The following ENTHD1 variants were observed in gnomAD, a reference collection of about 807,000 sequenced individuals.
ENTHD1 encodes ENTH domain-containing protein 1.
ENTHD1 carries 23 observed loss-of-function variants against 39.1 expected under a neutral mutation model. The ratio of observed to expected loss-of-function variants is 0.59; its 90% CI spans 0.42 to 0.83. The LOEUF (loss-of-function observed/expected upper bound fraction) is 0.83, where lower values mean the gene tolerates loss of function less well. Ranked by LOEUF, ENTHD1 falls within the 40% of genes least tolerant of loss-of-function variation. ENTHD1 has a pLI of 0.00. For synonymous variants in ENTHD1, 230 were observed against 258.2 expected (o/e 0.89, Z 1.05); for missense variants, 624 against 705.4 (o/e 0.88, Z 1.31).
chr22:39,804,419 C>T (rs895006091), intron 5 of ENTHD1, among the ~76,000 whole-genome samples: 2 of 145,042 alleles, frequency 1.4e-5, no homozygotes, highest in African/African-American at 5.1e-5. Flanking sequence ...CTAGGAGTTA[C>T]TGCACTCAGC....
In ENTHD1 at chr22:39,805,073, C is replaced by A. The variant is rs75888781; in HGVS notation, c.832+15920G>T. Among the ~76,000 whole-genome samples, 273 of 152,338 alleles carry A rather than the reference C, an allele frequency of 1.8e-3. 1 individual carries two copies. The East Asian group carries it at 0.043, about 24-fold the overall frequency. On this transcript the variant is annotated intron_variant, in intron 5 of 6. Transcript: ENST00000325157. Reference sequence around the variant, plus strand: ...CTGGGGAGACCAGGGAGGGGCTGGTCATCCATCTATCCAACAAGTATTTCT... The same window carrying A: ...CTGGGGAGACCAGGGAGGGGCTGGTAATCCATCTATCCAACAAGTATTTCT...
At chr22:39,836,019 A>T (rs1351504718) in intron 3 of ENTHD1, 61 bp from the exon 4 acceptor site, 12 of 1,267,130 alleles carry the variant, frequency 9.5e-6, no homozygotes, top group Admixed American at 6.2e-5. Flanking sequence ...TTTTTATATT[A>T]GTTCCCAATT....
chr22:39,820,852 A>C, intron 5 of ENTHD1, 141 bp downstream of exon 5: 1 of 764,438 alleles, frequency 1.3e-6, no homozygotes, highest in South Asian at 3.8e-5. Context: ...TGGTAAAACA[A>C]GATTATAGGA....
intron 4 of ENTHD1, 152 bp downstream of exon 4, chr22:39,835,688 C>T (rs2065903078): frequency 4.4e-6 from 2 of 453,982 alleles, no homozygotes; most frequent in African/African-American, 4.0e-5. Context: ...GCTAGGGCCT[C>T]CAGAAAGAAC....
intron 2 of ENTHD1, among the ~76,000 whole-genome samples, chr22:39,869,983 C>CTTTA (rs137943): frequency 0.64 from 89,998 of 140,408 alleles, 29,652 homozygotes; most frequent in East Asian, 0.78. Context: ...GAGAACAGTA[C>CTTTA]TTTATTTATT....
chr22:39,815,386 T>G (rs2065725386), intron 5 of ENTHD1, among the ~76,000 whole-genome samples: 1 of 151,102 alleles, frequency 6.6e-6, no homozygotes, highest in African/African-American at 2.4e-5. Flanking sequence ...GAGGTTGCAG[T>G]GAGCCAAGAT....
intron 2 of ENTHD1, 99 bp from the exon 3 acceptor site, chr22:39,862,106 C>A (rs2066146855): frequency 2.0e-6 from 2 of 998,900 alleles, no homozygotes; most frequent in Non-Finnish European, 2.7e-6. Context: ...AAAATCTCAG[C>A]AGTGAAAAAA....
intron 5 of ENTHD1, among the ~76,000 whole-genome samples, chr22:39,802,582 T>A (rs982777479): frequency 6.6e-6 from 1 of 152,168 alleles, no homozygotes; most frequent in Non-Finnish European, 1.5e-5. Context: ...AAGGTTCAAG[T>A]AGTATTTCTA....
intron 3 of ENTHD1, among the ~76,000 whole-genome samples, chr22:39,836,308 C>T (rs2146677881): frequency 6.6e-6 from 1 of 152,160 alleles, no homozygotes; most frequent in Admixed American, 6.5e-5. Flanking sequence ...ATATTAAAAT[C>T]TTTGGTCAGA....
At chr22:39,758,772 G>A (rs905599501) in intron 6 of ENTHD1, among the ~76,000 whole-genome samples, 30 of 152,208 alleles carry the variant, frequency 2.0e-4, no homozygotes, top group Non-Finnish European at 3.8e-4. Context: ...CAGCTTGAGC[G>A]AAGTTCCCTC....
At chr22:39,872,778 G>A (rs2066254434) in intron 2 of ENTHD1, among the ~76,000 whole-genome samples, 1 of 151,852 alleles carries the variant, frequency 6.6e-6, no homozygotes, top group Admixed American at 6.6e-5. Flanking sequence ...CCTAAATTAG[G>A]TGACTGAAAA....
chr22:39,797,897 A>T (rs1178431622), intron 5 of ENTHD1, among the ~76,000 whole-genome samples: 2 of 152,108 alleles, frequency 1.3e-5, no homozygotes, highest in Non-Finnish European at 2.9e-5. Context: ...GTTTGGTTAT[A>T]GTGTGTCATG....
intron 5 of ENTHD1, among the ~76,000 whole-genome samples, chr22:39,774,836 G>A (rs1569134991): frequency 1.3e-5 from 2 of 152,038 alleles, no homozygotes; most frequent in Non-Finnish European, 2.9e-5. Flanking sequence ...TGTCTGAAAT[G>A]TTCCTCGTCT....
At chr22:39,798,891 C>T (rs1326602773) in intron 5 of ENTHD1, among the ~76,000 whole-genome samples, 1 of 152,134 alleles carries the variant, frequency 6.6e-6, no homozygotes, top group Non-Finnish European at 1.5e-5. Flanking sequence ...GTGCAGTCCA[C>T]TCCCAAGGAC....
intron 1 of ENTHD1, chr22:39,893,114 T>C (rs2066440967): frequency 6.6e-6 from 1 of 152,180 alleles, no homozygotes; most frequent in African/African-American, 2.4e-5. Context: ...ACATGCCTCA[T>C]CTCTCTCCTT....
intron 5 of ENTHD1, among the ~76,000 whole-genome samples, chr22:39,768,852 A>G (rs2065298920): frequency 6.6e-6 from 1 of 152,056 alleles, no homozygotes; most frequent in Non-Finnish European, 1.5e-5. Context: ...TTTGTACTGA[A>G]CTGTATTAAA....
At chr22:39,852,134 AC>A (rs1374707263) in intron 3 of ENTHD1, among the ~76,000 whole-genome samples, 1 of 151,542 alleles carries the variant, frequency 6.6e-6, no homozygotes, top group Non-Finnish European at 1.5e-5. Flanking sequence ...GGAGCTTGAG[AC>A]CTTCCTGGGC....
At chr22:39,850,230 G>T (rs1016047673) in intron 3 of ENTHD1, among the ~76,000 whole-genome samples, 1 of 151,930 alleles carries the variant, frequency 6.6e-6, no homozygotes, top group African/African-American at 2.4e-5. Context: ...ACCAACTTTT[G>T]CTTTATATAC....
chr22:39,875,552 T>G (rs2066282060), intron 2 of ENTHD1: 1 of 1,611,690 alleles, frequency 6.2e-7, no homozygotes, highest in South Asian at 1.1e-5. Flanking sequence ...GGTGCCTGAC[T>G]TCTCTGAATA....
Sources: gnomAD v4.1 joint callset for allele counts (sites outside exome capture counted in the v4.1 genomes callset) on GRCh38, gnomAD v4.1.1 for gene constraint, MANE v1.5 for transcripts, NCBI Gene and HGNC (gene_info 2026-07-23, HGNC 2026-07-21) for gene names.